BLTP1: variants seen among roughly 807,000 people sequenced by gnomAD.
The protein encoded by BLTP1 is bridge-like lipid transfer protein family member 1.
At chr4:122,288,827 T>C in the BLTP1 span, 1 of 293,694 alleles carries the variant, frequency 3.4e-6, no homozygotes, top group South Asian at 1.3e-4. Flanking sequence ...AACTTCGATT[T>C]GCTCCCCAGA....
the BLTP1 span, chr4:122,229,898 C>G: frequency 6.3e-7 from 1 of 1,579,074 alleles, no homozygotes; most frequent in South Asian, 1.1e-5. Flanking sequence ...ACAGAAATTA[C>G]ACTTTTGTTT....
At chr4:122,352,382 C>CAGGTTCTCACTCTGTCATCCAGGCTGGA in the BLTP1 span, among the ~76,000 whole-genome samples, 1 of 113,302 alleles carries the variant, frequency 8.8e-6, no homozygotes, top group Non-Finnish European at 1.7e-5. Flanking sequence ...TTTTTTGAGA[C>CAGGTTCTCACTCTGTCATCCAGGCTGGA]AGGTTCTCAC....
At chr4:122,319,975 G>A in the BLTP1 span, among the ~76,000 whole-genome samples, 1 of 152,152 alleles carries the variant, frequency 6.6e-6, no homozygotes, top group African/African-American at 2.4e-5. Flanking sequence ...TGTAGGTGTT[G>A]ATTATATCCA....
the BLTP1 span, among the ~76,000 whole-genome samples, chr4:122,205,591 G>C: frequency 1.6e-5 from 2 of 121,700 alleles, no homozygotes; most frequent in South Asian, 5.3e-4. Flanking sequence ...TCTCTCTCTA[G>C]TATCAAAGTC....
the BLTP1 span, among the ~76,000 whole-genome samples, chr4:122,157,484 T>G: frequency 6.6e-6 from 1 of 152,170 alleles, no homozygotes; most frequent in Non-Finnish European, 1.5e-5. Flanking sequence ...TAGATTCTCT[T>G]AAGGAGTGCA....
chr4:122,336,673 G>A, the BLTP1 span: 2 of 975,832 alleles, frequency 2.0e-6, no homozygotes, highest in Non-Finnish European at 2.4e-6. Flanking sequence ...TCTTTGTACA[G>A]TGTTTGGTAT....
the BLTP1 span, chr4:122,201,188 T>A: frequency 7.7e-7 from 1 of 1,306,896 alleles, no homozygotes; most frequent in African/African-American, 1.5e-5. Context: ...TTACATTTGA[T>A]AAGTTTTACT....
the BLTP1 span, chr4:122,287,642 A>C: frequency 1.0e-6 from 1 of 983,558 alleles, no homozygotes; most frequent in Non-Finnish European, 1.2e-6. Context: ...TGAAGCATCT[A>C]TAAGAATGCT....
the BLTP1 span, among the ~76,000 whole-genome samples, chr4:122,354,629 A>C: frequency 6.6e-6 from 1 of 150,934 alleles, no homozygotes; most frequent in Non-Finnish European, 1.5e-5. Flanking sequence ...AGGTGTTGAG[A>C]CTTTTCAATG....
the BLTP1 span, chr4:122,272,275 T>C: frequency 6.2e-7 from 1 of 1,613,402 alleles, no homozygotes; most frequent in Non-Finnish European, 8.5e-7. Context: ...AACCTCAGCA[T>C]GTTACTCTAA....
the BLTP1 span, chr4:122,290,939 T>C: frequency 1.5e-6 from 1 of 673,610 alleles, no homozygotes; most frequent in Non-Finnish European, 1.8e-6. Flanking sequence ...CATGAACTAA[T>C]CTTGTATTTC....
At chr4:122,152,978 C>G in the BLTP1 span, 1 of 985,272 alleles carries the variant, frequency 1.0e-6, no homozygotes, top group South Asian at 4.7e-5. Context: ...GGTCGGTTGA[C>G]CGAGGGCGGG....
chr4:122,219,557 G>T, the BLTP1 span: 6 of 1,612,764 alleles, frequency 3.7e-6, no homozygotes, highest in Admixed American at 1.7e-5. Context: ...GTTCATGGGC[G>T]TCTTCCTGTT....
At chr4:122,220,849 G>A in the BLTP1 span, among the ~76,000 whole-genome samples, 1 of 152,036 alleles carries the variant, frequency 6.6e-6, no homozygotes, top group Non-Finnish European at 1.5e-5. Context: ...ATTTTAAAAC[G>A]TGTGTATCTA....
At chr4:122,276,648 T>C in the BLTP1 span, 5 of 965,246 alleles carry the variant, frequency 5.2e-6, no homozygotes, top group Admixed American at 6.2e-5. Flanking sequence ...TTAATTATTA[T>C]AATGTTAGAA....
the BLTP1 span, among the ~76,000 whole-genome samples, chr4:122,303,119 G>A: frequency 1.3e-5 from 2 of 152,194 alleles, no homozygotes; most frequent in Admixed American, 1.3e-4. Flanking sequence ...AGGACAGGCT[G>A]ACTCTTGTTA....
At chr4:122,178,418 A>G in the BLTP1 span, among the ~76,000 whole-genome samples, 1 of 152,246 alleles carries the variant, frequency 6.6e-6, no homozygotes, top group African/African-American at 2.4e-5. Flanking sequence ...TAATTGGATC[A>G]GCAGTGATGC....
the BLTP1 span, chr4:122,261,816 G>A: frequency 1.2e-5 from 12 of 984,578 alleles, no homozygotes; most frequent in South Asian, 1.9e-4. Flanking sequence ...TGTTTAATAC[G>A]TTGTGAGTGT....
the BLTP1 span, chr4:122,325,753 T>C: frequency 1.3e-6 from 1 of 787,522 alleles, no homozygotes; most frequent in South Asian, 1.9e-5. Context: ...TATTAAACAT[T>C]ATATTAAAAT....
Sources: allele counts gnomAD v4.1 joint callset (sites outside exome capture counted in the v4.1 genomes callset), GRCh38; gene constraint gnomAD v4.1.1; transcripts MANE v1.5; gene names NCBI Gene and HGNC (gene_info 2026-07-23, HGNC 2026-07-21).